The following TCF12 variants were observed in gnomAD, a reference collection of about 807,000 sequenced individuals.
The protein encoded by TCF12 is transcription factor 12, also known as DNA-binding protein HTF4.
TCF12 carries 45 observed loss-of-function variants against 86.0 expected under a neutral mutation model. The ratio of observed to expected loss-of-function variants is 0.52; its 90% CI spans 0.41 to 0.67. TCF12 has a LOEUF of 0.67. TCF12 is among the 30% of genes least tolerant of loss of function. The pLI, the probability that TCF12 is intolerant of heterozygous loss-of-function variation, is 0.00. For synonymous variants in TCF12, 330 were observed against 299.6 expected (o/e 1.10, Z -1.05); for missense variants, 881 against 859.9 (o/e 1.02, Z -0.31).
intron 6 of TCF12, among the ~76,000 whole-genome samples, chr15:57,190,386 G>A (rs900243029): frequency 3.3e-5 from 5 of 152,268 alleles, no homozygotes; most frequent in South Asian, 2.1e-4. Flanking sequence ...CAGAGCTGAG[G>A]TTTTATTTCT....
chr15:57,073,281 C>T (rs1457686113), intron 4 of TCF12, among the ~76,000 whole-genome samples: 1 of 152,128 alleles, frequency 6.6e-6, no homozygotes, highest in African/African-American at 2.4e-5. Context: ...AAAATCAAAG[C>T]ATATTAATCT....
At chr15:57,190,722 A>G (rs1240906004) in intron 6 of TCF12, among the ~76,000 whole-genome samples, 1 of 152,204 alleles carries the variant, frequency 6.6e-6, no homozygotes, top group African/African-American at 2.4e-5. Context: ...TCTGAATTAT[A>G]AATGAAGCAC....
At chr15:56,921,639 A>G (rs1595686253) in intron 3 of TCF12, among the ~76,000 whole-genome samples, 1 of 151,984 alleles carries the variant, frequency 6.6e-6, no homozygotes, top group East Asian at 1.9e-4. Context: ...TTTAATTTAA[A>G]TTTATTTCTT....
At chr15:57,150,196 C>CAG (rs2053640846) in intron 5 of TCF12, among the ~76,000 whole-genome samples, 1 of 152,066 alleles carries the variant, frequency 6.6e-6, no homozygotes, top group South Asian at 2.1e-4. Flanking sequence ...AAGGAAGGAG[C>CAG]AGAGAGAGAG....
At chr15:57,108,884 G>T (rs919045871) in intron 5 of TCF12, among the ~76,000 whole-genome samples, 5 of 152,066 alleles carry the variant, frequency 3.3e-5, no homozygotes, top group African/African-American at 4.8e-5. Flanking sequence ...AAATTTTATT[G>T]TCTGCAAAAC....
intron 3 of TCF12, among the ~76,000 whole-genome samples, chr15:56,952,207 C>A (rs1414923636): frequency 2.6e-5 from 4 of 151,028 alleles, no homozygotes; most frequent in African/African-American, 9.8e-5. Flanking sequence ...CACACACACA[C>A]AAATACATGT....
At chr15:57,148,554 C>A (rs2151441319) in intron 5 of TCF12, among the ~76,000 whole-genome samples, 1 of 152,020 alleles carries the variant, frequency 6.6e-6, no homozygotes, top group South Asian at 2.1e-4. Context: ...AGGAAAATGA[C>A]AAAATACAAG....
intron 3 of TCF12, among the ~76,000 whole-genome samples, chr15:57,032,282 A>G (rs1470869294): frequency 6.6e-6 from 1 of 152,230 alleles, no homozygotes; most frequent in Admixed American, 6.5e-5. Context: ...TAGTGCTGCA[A>G]AGGCTTTGAA....
chr15:56,961,763 A>G (rs189122666), intron 3 of TCF12, among the ~76,000 whole-genome samples: 1 of 152,306 alleles, frequency 6.6e-6, no homozygotes, highest in Non-Finnish European at 1.5e-5. Flanking sequence ...ATTGTTTTTT[A>G]TGACATTTTA....
At chr15:57,064,492 A>C (rs572861126) in intron 4 of TCF12, among the ~76,000 whole-genome samples, 58 of 152,246 alleles carry the variant, frequency 3.8e-4, no homozygotes, top group African/African-American at 1.4e-3. Flanking sequence ...TAAACTGACG[A>C]GGTTAAGAGA....
At chr15:57,089,813 T>G (rs2048876880) in intron 4 of TCF12, among the ~76,000 whole-genome samples, 2 of 152,168 alleles carry the variant, frequency 1.3e-5, no homozygotes, top group African/African-American at 2.4e-5. Flanking sequence ...TTTGATGCCT[T>G]CCTTTGACTG....
At chr15:57,110,760 A>G (rs2151227370) in intron 5 of TCF12, among the ~76,000 whole-genome samples, 1 of 152,338 alleles carries the variant, frequency 6.6e-6, no homozygotes, top group East Asian at 1.9e-4. Context: ...GACTTAGTTC[A>G]TCTCACTATA....
At chr15:56,933,723 G>T (rs573271571) in intron 3 of TCF12, among the ~76,000 whole-genome samples, 1 of 152,100 alleles carries the variant, frequency 6.6e-6, no homozygotes, top group South Asian at 2.1e-4. Context: ...GTTATTAGGT[G>T]GCATAGCAAG....
intron 6 of TCF12, among the ~76,000 whole-genome samples, chr15:57,173,347 A>T (rs1162624275): frequency 6.6e-6 from 1 of 152,256 alleles, no homozygotes; most frequent in African/African-American, 2.4e-5. Context: ...GAACTTAGCT[A>T]GAAAAAGAAA....
At chr15:57,126,933 C>T (rs1357508100) in intron 5 of TCF12, among the ~76,000 whole-genome samples, 1 of 151,798 alleles carries the variant, frequency 6.6e-6, no homozygotes, top group Non-Finnish European at 1.5e-5. Context: ...CAAATCAAAA[C>T]AATAAATATA....
intron 3 of TCF12, among the ~76,000 whole-genome samples, chr15:57,059,995 A>T (rs2068338565): frequency 2.0e-5 from 3 of 152,100 alleles, no homozygotes; most frequent in Admixed American, 2.0e-4. Context: ...ATAAGAAGGT[A>T]GTCTAAATCT....
intron 3 of TCF12, among the ~76,000 whole-genome samples, chr15:56,942,641 G>A (rs1057509663): frequency 6.9e-3 from 13 of 1,884 alleles, no homozygotes; most frequent in Non-Finnish European, 0.013. Context: ...CTTTAGTATC[G>A]TATGTGTAAC....
At chr15:57,020,669 G>C (rs994370406) in intron 3 of TCF12, among the ~76,000 whole-genome samples, 1 of 152,134 alleles carries the variant, frequency 6.6e-6, no homozygotes. Context: ...TGTGTTCAAC[G>C]AAATAAACAT....
chr15:57,284,854 C>T (rs772416657), intron 20 of TCF12, among the ~76,000 whole-genome samples: 2 of 152,200 alleles, frequency 1.3e-5, no homozygotes, highest in East Asian at 1.9e-4. Context: ...TTTCATACTG[C>T]TCTCATAGCT....
Sources: gnomAD v4.1 joint callset for allele counts (sites outside exome capture counted in the v4.1 genomes callset) on GRCh38, gnomAD v4.1.1 for gene constraint, MANE v1.5 for transcripts, NCBI Gene and HGNC (gene_info 2026-07-23, HGNC 2026-07-21) for gene names.